Variants in PDXDC1 observed in about 807,000 individuals in gnomAD.
PDXDC1 encodes the protein pyridoxal-dependent decarboxylase domain-containing protein 1.
A neutral mutation model predicts 100.1 loss-of-function variants in PDXDC1; 42 were observed. That is an observed-to-expected ratio of 0.42 (90% CI 0.33 to 0.54). The LOEUF (loss-of-function observed/expected upper bound fraction) is 0.54, where lower values mean the gene tolerates loss of function less well. PDXDC1 is among the 20% of genes least tolerant of loss of function. The probability of loss-of-function intolerance (pLI) is 0.10; values close to 1 mark genes in which losing one functional copy is unlikely to be tolerated. For synonymous variants in PDXDC1, 260 were observed against 371.7 expected, an observed-to-expected ratio of 0.70 and a Z score of 3.46; for missense variants, 636 against 979.2, an observed-to-expected ratio of 0.65 and a Z score of 4.68.
At chr16:15,125,207 T>C in intron 16 of PDXDC1, 1 of 491,044 alleles carries the variant, frequency 2.0e-6, no homozygotes, top group Non-Finnish European at 3.6e-6. Flanking sequence ...TTGTGTTGGT[T>C]GTAAAAGGAG....
chr16:15,128,147 C>T lies in PDXDC1; in HGVS notation c.1400-10732C>T, dbSNP rs773279458. ...GGCAGGGCTGAGCCCTGCAGAGGCG[C>T]GGGAGGGAGGTCAGGCTCGCAGGGC... is the stretch of plus-strand genomic sequence containing the variant. On this transcript the variant is annotated intron_variant, in intron 16 of 16. Transcript: ENST00000535621. 9.9e-6 allele frequency: 16 copies of T among 1,609,568 alleles called. No individual in the cohort carries two copies. The East Asian group carries it at 2.7e-4, about 27-fold the overall frequency.
intron 16 of PDXDC1, chr16:15,109,049 C>G (rs1393408369): frequency 4.9e-5 from 6 of 123,152 alleles, no homozygotes; most frequent in African/African-American, 1.7e-4. Flanking sequence ...GACCCCTGAC[C>G]ATCCCCCAGA....
At chr16:15,035,959 T>A in intron 22 of PDXDC1, 57 bp from the exon 23 acceptor site, 1 of 1,524,828 alleles carries the variant, frequency 6.6e-7, no homozygotes, top group South Asian at 1.3e-5. Context: ...AGAGACAGCC[T>A]GTGTTGCAGA....
the PDXDC1 span, among the ~76,000 whole-genome samples, chr16:15,151,943 A>C: frequency 9.9e-5 from 14 of 141,846 alleles, no homozygotes; most frequent in Admixed American, 2.8e-4. Context: ...AAAAAAAAAA[A>C]AAAAAAAAAA....
chr16:15,135,045 G>T, intron 16 of PDXDC1: 2 of 534,236 alleles, frequency 3.7e-6, no homozygotes. Flanking sequence ...GTATTGCTGG[G>T]GGACTGTGTA....
intron 16 of PDXDC1, chr16:15,128,065 G>C: frequency 6.2e-7 from 1 of 1,608,450 alleles, no homozygotes; most frequent in Non-Finnish European, 8.5e-7. Context: ...CATTGACCAG[G>C]AAGAAGGTGC....
chr16:15,039,827 A>T, downstream of PDXDC1: 1 of 636,178 alleles, frequency 1.6e-6, no homozygotes, highest in Non-Finnish European at 2.8e-6. Flanking sequence ...GGGGAGGGGT[A>T]TATGTATGTG....
At chr16:15,128,466 C>T (rs559142006) in intron 16 of PDXDC1, 6 of 826,322 alleles carry the variant, frequency 7.3e-6, no homozygotes, top group Non-Finnish European at 1.2e-5. Flanking sequence ...GTCATCTCAG[C>T]TTTGGCCTCC....
intron 16 of PDXDC1, among the ~76,000 whole-genome samples, chr16:15,098,538 T>C (rs1294642921): frequency 6.6e-6 from 1 of 152,012 alleles, no homozygotes; most frequent in Admixed American, 6.6e-5. Context: ...TTCATCTGGA[T>C]CCTCCCTACC....
chr16:15,128,486 A>T (rs1278983088), intron 16 of PDXDC1: 1 of 722,880 alleles, frequency 1.4e-6, no homozygotes, highest in African/African-American at 1.7e-5. Context: ...CGCGCACTCA[A>T]GGAGCCACAC....
intron 16 of PDXDC1, chr16:15,110,538 C>G: frequency 6.3e-7 from 1 of 1,587,444 alleles, no homozygotes; most frequent in Non-Finnish European, 8.5e-7. Flanking sequence ...GTAAAGATGT[C>G]TTCCAGGACA....
chr16:15,026,174 A>G (rs1389168593), intron 13 of PDXDC1: 1 of 163,218 alleles, frequency 6.1e-6, no homozygotes. Flanking sequence ...AAGCCAAAGT[A>G]GGAGGATTAA....
chr16:15,123,540 AC>A, intron 16 of PDXDC1: 1 of 627,988 alleles, frequency 1.6e-6, no homozygotes, highest in African/African-American at 2.3e-5. Context: ...CATCTCCATC[AC>A]ATCCATGTAG....
intron 16 of PDXDC1, chr16:15,086,500 A>C: frequency 1.2e-6 from 2 of 1,607,412 alleles, no homozygotes; most frequent in Non-Finnish European, 1.7e-6. Context: ...ATCCTCTAAC[A>C]TAACAGAAAT....
chr16:15,030,568 A>AAAAAT, intron 16 of PDXDC1, among the ~76,000 whole-genome samples: 1 of 148,874 alleles, frequency 6.7e-6, no homozygotes, highest in Non-Finnish European at 1.5e-5. Context: ...AAAAAAAAAA[A>AAAAAT]AGTCATCACA....
intron 16 of PDXDC1, chr16:15,070,162 G>C (rs1203464771): frequency 6.2e-7 from 1 of 1,609,298 alleles, no homozygotes; most frequent in African/African-American, 1.3e-5. Flanking sequence ...TCCATGGAGA[G>C]CAACATCGCA....
At chr16:15,002,252 A>C (rs1156819656) in intron 4 of PDXDC1, among the ~76,000 whole-genome samples, 25 of 152,294 alleles carry the variant, frequency 1.6e-4, no homozygotes, top group Non-Finnish European at 2.5e-4. Context: ...TCTTGGTTCA[A>C]AATTCAGACA....
chr16:15,049,623 G>A (rs926617860), intron 16 of PDXDC1, among the ~76,000 whole-genome samples: 1 of 151,182 alleles, frequency 6.6e-6, no homozygotes, highest in Admixed American at 6.6e-5. Flanking sequence ...ACTGGGTTTC[G>A]CCATGTTGGC....
intron 16 of PDXDC1, among the ~76,000 whole-genome samples, chr16:15,122,739 G>A (rs769007085): frequency 8.1e-5 from 12 of 148,812 alleles, no homozygotes; most frequent in South Asian, 2.2e-4. Flanking sequence ...CAGGGCGCCC[G>A]GAGGTGGCCA....
Sources: gnomAD v4.1 joint callset for allele counts (sites outside exome capture counted in the v4.1 genomes callset) on GRCh38, gnomAD v4.1.1 for gene constraint, MANE v1.5 for transcripts, NCBI Gene and HGNC (gene_info 2026-07-23, HGNC 2026-07-21) for gene names.